KALRN: variants seen among roughly 807,000 people sequenced by gnomAD.
KALRN encodes the protein kalirin RhoGEF kinase, also known as kalirin.
Under a neutral mutation model 353.7 loss-of-function variants are expected in KALRN, and 70 were observed. That is an observed-to-expected ratio of 0.20 (90% confidence interval 0.16 to 0.24). The LOEUF (loss-of-function observed/expected upper bound fraction) is 0.24. KALRN is among the 10% of genes least tolerant of loss of function. The pLI is 1.00. For missense variants in KALRN, 2,791 were observed against 3,756.7 expected, an observed-to-expected ratio of 0.74 and a Z score of 6.72; for synonymous variants, 1,391 against 1,434.8, an observed-to-expected ratio of 0.97 and a Z score of 0.69.
At chr3:124,648,482 G>T (rs565769587) in intron 37 of KALRN, among the ~76,000 whole-genome samples, 5 of 152,350 alleles carry the variant, frequency 3.3e-5, no homozygotes, top group African/African-American at 1.2e-4. Flanking sequence ...GTGGGCAGAG[G>T]TGTCTCCCTG....
intron 34 of KALRN, among the ~76,000 whole-genome samples, chr3:124,567,624 G>A (rs2073019032): frequency 6.6e-6 from 1 of 152,102 alleles, no homozygotes; most frequent in Admixed American, 6.5e-5. Flanking sequence ...ACAGCAGCAG[G>A]TGGTGGAGGG....
chr3:124,625,565 C>CA (rs201044567), intron 34 of KALRN, among the ~76,000 whole-genome samples: 6,629 of 141,410 alleles, frequency 0.047, 244 homozygotes, highest in East Asian at 0.19. Flanking sequence ...TATCTTCTTC[C>CA]AAAAAAAAAA....
intron 3 of KALRN, among the ~76,000 whole-genome samples, chr3:124,254,120 GT>G (rs2071564048): frequency 1.3e-5 from 2 of 152,236 alleles, no homozygotes; most frequent in South Asian, 4.2e-4. Flanking sequence ...TGAGTTAGGG[GT>G]TTTAGTACTC....
chr3:124,523,342 C>T (rs865818645), intron 33 of KALRN, among the ~76,000 whole-genome samples: 6 of 152,200 alleles, frequency 3.9e-5, no homozygotes, highest in African/African-American at 1.4e-4. Flanking sequence ...GTAGATTATT[C>T]ATATAAGTGA....
chr3:124,159,346 C>T (rs74353712), intron 1 of KALRN, among the ~76,000 whole-genome samples: 363 of 152,288 alleles, frequency 2.4e-3, no homozygotes, highest in African/African-American at 8.1e-3. Flanking sequence ...TCTCAGATCA[C>T]CACAGCTTTG....
chr3:124,049,781 T>C lies in KALRN; in HGVS notation c.73+15968T>C, dbSNP rs1042673684. On this transcript the variant is annotated intron_variant, in intron 1 of 59. Coordinates refer to ENST00000682506, the MANE Select transcript of KALRN (RefSeq NM_001388419.1). ...CTAACTGCCCAGATGGCTGAGGTTT[T>C]CTTTCTGGTGGGTAATAGTGTAGTT... is the stretch of plus-strand genomic sequence containing the variant. Among the ~76,000 whole-genome samples, 3 of 152,336 alleles carry C rather than the reference T, an allele frequency of 2.0e-5. No individual in the cohort carries two copies. The East Asian group carries it at 5.8e-4, about 29-fold the overall frequency.
At chr3:124,474,399 A>G (rs2061236009) in intron 25 of KALRN, among the ~76,000 whole-genome samples, 3 of 152,156 alleles carry the variant, frequency 2.0e-5, no homozygotes, top group African/African-American at 4.8e-5. Flanking sequence ...CACAAACAAA[A>G]TATTTTATTA....
intron 34 of KALRN, among the ~76,000 whole-genome samples, chr3:124,606,186 A>G (rs1208721555): frequency 6.6e-6 from 1 of 152,258 alleles, no homozygotes; most frequent in East Asian, 1.9e-4. Flanking sequence ...AAATAAAATC[A>G]CATTGATTGG....
intron 6 of KALRN, among the ~76,000 whole-genome samples, chr3:124,305,444 A>T (rs894972670): frequency 1.3e-5 from 2 of 152,214 alleles, no homozygotes; most frequent in African/African-American, 2.4e-5. Context: ...ATGTCTGTGG[A>T]ACCACTTATG....
chr3:124,191,912 G>A (rs1205350218), intron 1 of KALRN, among the ~76,000 whole-genome samples: 1 of 152,202 alleles, frequency 6.6e-6, no homozygotes, highest in Non-Finnish European at 1.5e-5. Flanking sequence ...CTTTTAATGG[G>A]AGGACTAGGG....
At chr3:124,355,148 A>G (rs952179552) in intron 10 of KALRN, among the ~76,000 whole-genome samples, 2 of 152,226 alleles carry the variant, frequency 1.3e-5, no homozygotes, top group African/African-American at 4.8e-5. Context: ...TCATTGTAGA[A>G]AAGTTCAAAA....
At chr3:124,653,617 G>C (rs1452424299) in intron 38 of KALRN, among the ~76,000 whole-genome samples, 1 of 152,168 alleles carries the variant, frequency 6.6e-6, no homozygotes, top group Non-Finnish European at 1.5e-5. Flanking sequence ...AGGTAAATTA[G>C]CCATGGAGAA....
intron 3 of KALRN, among the ~76,000 whole-genome samples, chr3:124,253,662 C>T (rs539799494): frequency 2.0e-5 from 3 of 152,310 alleles, no homozygotes; most frequent in African/African-American, 4.8e-5. Flanking sequence ...GCTCTCTACC[C>T]GTGTTCAGTT....
chr3:124,051,270 A>G (rs1226507300), intron 1 of KALRN, among the ~76,000 whole-genome samples: 4 of 152,224 alleles, frequency 2.6e-5, no homozygotes, highest in African/African-American at 9.6e-5. Context: ...ATTACATTAT[A>G]GAGCTGCATG....
chr3:124,128,012 A>G (rs2064877856), intron 1 of KALRN, among the ~76,000 whole-genome samples: 1 of 152,064 alleles, frequency 6.6e-6, no homozygotes. Flanking sequence ...GTCCCTTAAG[A>G]ATTTATGTCC....
chr3:124,036,873 C>T (rs146822700), intron 1 of KALRN, among the ~76,000 whole-genome samples: 1 of 152,318 alleles, frequency 6.6e-6, no homozygotes, highest in Non-Finnish European at 1.5e-5. Flanking sequence ...GTGTTTCAAT[C>T]CCTTGACCAA....
At chr3:124,333,819 C>T in intron 8 of KALRN, among the ~76,000 whole-genome samples, 1 of 152,010 alleles carries the variant, frequency 6.6e-6, no homozygotes, top group South Asian at 2.1e-4. Context: ...ACCCGGGAGG[C>T]AGAGGTTGCA....
chr3:124,446,949 A>G, intron 21 of KALRN, 64 bp downstream of exon 21: 1 of 1,577,748 alleles, frequency 6.3e-7, no homozygotes, highest in Non-Finnish European at 8.6e-7. Flanking sequence ...CCAATTTCAC[A>G]TTATGGAAGC....
At chr3:124,638,260 TC>T (rs2081590913) in intron 37 of KALRN, among the ~76,000 whole-genome samples, 2 of 152,014 alleles carry the variant, frequency 1.3e-5, no homozygotes, top group African/African-American at 4.8e-5. Flanking sequence ...TTTTCAGATA[TC>T]CCAGCATATA....
Sources: allele counts gnomAD v4.1 joint callset (sites outside exome capture counted in the v4.1 genomes callset), GRCh38; gene constraint gnomAD v4.1.1; transcripts MANE v1.5; gene names NCBI Gene and HGNC (gene_info 2026-07-23, HGNC 2026-07-21).